The following PCDH15 variants were observed in gnomAD, a reference collection of about 807,000 sequenced individuals.
PCDH15 encodes the protein protocadherin related 15.
Under a neutral mutation model 178.5 loss-of-function variants are expected in PCDH15, and 129 were observed. The ratio of observed to expected loss-of-function variants is 0.72; its 90% confidence interval spans 0.63 to 0.84. The LOEUF (loss-of-function observed/expected upper bound fraction) is 0.84, where lower values mean the gene tolerates loss of function less well. Among genes scored for constraint, PCDH15 ranks in the 40% least tolerant of loss-of-function variants. The pLI is 0.00. For synonymous variants in PCDH15, 800 were observed against 732.0 expected, an observed-to-expected ratio of 1.09 and a Z score of -1.50; for missense variants, 2,230 against 2,099.9, an observed-to-expected ratio of 1.06 and a Z score of -1.21.
chr10:54,299,439 T>A (rs1250438040), intron 8 of PCDH15, among the ~76,000 whole-genome samples: 1 of 152,062 alleles, frequency 6.6e-6, no homozygotes, highest in Non-Finnish European at 1.5e-5. Flanking sequence ...CAGGGTAAAT[T>A]TAAAATGTAT....
At chr10:54,163,745 G>A (rs1243665337) in intron 13 of PCDH15, among the ~76,000 whole-genome samples, 2 of 152,058 alleles carry the variant, frequency 1.3e-5, no homozygotes, top group African/African-American at 4.8e-5. Flanking sequence ...GCAGAGTAGG[G>A]AACATTCTTT....
chr10:54,616,531 C>T (rs966565880), intron 2 of PCDH15, among the ~76,000 whole-genome samples: 2 of 152,054 alleles, frequency 1.3e-5, no homozygotes, highest in African/African-American at 4.8e-5. Context: ...TGTTAAAATG[C>T]AGATTCCCAG....
chr10:54,872,981 C>T (rs1954066713), intron 3 of PCDH15, among the ~76,000 whole-genome samples: 1 of 151,712 alleles, frequency 6.6e-6, no homozygotes, highest in African/African-American at 2.4e-5. Context: ...GTTCTAAGAC[C>T]CCTCTACAAA....
intron 2 of PCDH15, among the ~76,000 whole-genome samples, chr10:55,453,836 A>T (rs559304357): frequency 6.6e-6 from 1 of 152,304 alleles, no homozygotes; most frequent in African/African-American, 2.4e-5. Context: ...TTATATCTTG[A>T]AATAAAAGAC....
chr10:54,185,638 A>G (rs537471530), intron 11 of PCDH15, among the ~76,000 whole-genome samples: 16 of 152,210 alleles, frequency 1.1e-4, no homozygotes, highest in African/African-American at 3.1e-4. Context: ...AAAGCAAGAA[A>G]AGAAAATTGC....
At chr10:54,579,959 T>C (rs2090889108) in intron 2 of PCDH15, among the ~76,000 whole-genome samples, 1 of 152,072 alleles carries the variant, frequency 6.6e-6, no homozygotes, top group South Asian at 2.1e-4. Flanking sequence ...ATCTCTGAGA[T>C]GCAGCCTATA....
intron 1 of PCDH15, among the ~76,000 whole-genome samples, chr10:54,682,620 T>C (rs1343300690): frequency 6.6e-6 from 1 of 152,172 alleles, no homozygotes; most frequent in Non-Finnish European, 1.5e-5. Flanking sequence ...AGGTTACTTT[T>C]CCTCTTTTTA....
At chr10:54,471,224 A>G (rs996320220) in intron 3 of PCDH15, among the ~76,000 whole-genome samples, 6 of 152,278 alleles carry the variant, frequency 3.9e-5, no homozygotes, top group African/African-American at 1.4e-4. Context: ...CATCATAAAG[A>G]ACTTCATCCT....
intron 8 of PCDH15, among the ~76,000 whole-genome samples, chr10:54,273,764 G>C (rs1032839419): frequency 5.3e-5 from 8 of 152,042 alleles, no homozygotes; most frequent in Non-Finnish European, 7.4e-5. Context: ...AGAACTCTCA[G>C]TTATAACTGC....
intron 8 of PCDH15, among the ~76,000 whole-genome samples, chr10:54,269,877 AT>A (rs2057938147): frequency 6.6e-6 from 1 of 152,078 alleles, no homozygotes; most frequent in Admixed American, 6.6e-5. Flanking sequence ...TATTCTAAAA[AT>A]TCAAAGTGTT....
At chr10:54,602,310 G>A (rs1264115489) in intron 2 of PCDH15, among the ~76,000 whole-genome samples, 4 of 151,474 alleles carry the variant, frequency 2.6e-5, no homozygotes, top group Non-Finnish European at 4.4e-5. Flanking sequence ...TCTATTTTTA[G>A]CCTCTACAAA....
Position 54,849,858 on chromosome 10 carries a change from G to C in PCDH15, c.-29+47592C>G, listed in dbSNP as rs567019549. ...ATATTTATCAAATATTTACAATGTG[G>C]TTGAACCGATTTGTGGTTTTCAGTT... On this transcript the variant is annotated intron_variant, in intron 3 of 5. Transcript: ENST00000458638. 2.1e-4 allele frequency among the ~76,000 whole-genome samples: 32 copies of C among 152,128 alleles called. 2 individuals carry two copies. The South Asian group carries it at 6.4e-3, about 31-fold the overall frequency.
At chr10:54,241,010 T>C (rs1591370889) in intron 8 of PCDH15, among the ~76,000 whole-genome samples, 2 of 152,304 alleles carry the variant, frequency 1.3e-5, no homozygotes, top group East Asian at 1.9e-4. Flanking sequence ...TGAAATAATG[T>C]AATCATTTAC....
chr10:54,877,037 G>C (rs1458432408), intron 3 of PCDH15, among the ~76,000 whole-genome samples: 1 of 152,118 alleles, frequency 6.6e-6, no homozygotes, highest in African/African-American at 2.4e-5. Context: ...AGTCACCCCA[G>C]CTTTTAGCAA....
At chr10:54,456,320 A>AG (rs1344568825) in intron 3 of PCDH15, among the ~76,000 whole-genome samples, 1 of 152,180 alleles carries the variant, frequency 6.6e-6, no homozygotes, top group Non-Finnish European at 1.5e-5. Flanking sequence ...CCTCTTGGAA[A>AG]GGCATAACTT....
intron 3 of PCDH15, among the ~76,000 whole-genome samples, chr10:54,853,287 G>GTGTA (rs1554806758): frequency 3.5e-5 from 2 of 56,570 alleles, no homozygotes; most frequent in African/African-American, 1.4e-4. Context: ...GTATGTATGT[G>GTGTA]TGTATATATA....
At chr10:53,998,663 A>G (rs545802341) in intron 20 of PCDH15, among the ~76,000 whole-genome samples, 2 of 152,284 alleles carry the variant, frequency 1.3e-5, no homozygotes, top group East Asian at 3.9e-4. Flanking sequence ...AAAATTTTTG[A>G]TTTTCTGGAA....
chr10:55,533,008 TCTC>T (rs1347059444), intron 2 of PCDH15, among the ~76,000 whole-genome samples: 1 of 151,912 alleles, frequency 6.6e-6, no homozygotes, highest in African/African-American at 2.4e-5. Flanking sequence ...TTCCTACACA[TCTC>T]CTTCTTTGTC....
intron 25 of PCDH15, among the ~76,000 whole-genome samples, chr10:53,934,597 CAAA>C (rs201193553): frequency 8.2e-6 from 1 of 121,368 alleles, no homozygotes; most frequent in African/African-American, 2.9e-5. Context: ...GACTCTGTCT[CAAA>C]AAAAAAAAAA....
Sources: allele counts gnomAD v4.1 joint callset (sites outside exome capture counted in the v4.1 genomes callset), GRCh38; gene constraint gnomAD v4.1.1; transcripts MANE v1.5; gene names NCBI Gene and HGNC (gene_info 2026-07-23, HGNC 2026-07-21).